Variants in MYO1D observed in about 807,000 individuals in gnomAD.
MYO1D encodes myosin ID, also known as unconventional myosin-Id.
Under a neutral mutation model 122.0 loss-of-function variants are expected in MYO1D, and 83 were observed. The observed-to-expected ratio is 0.68, with a 90% CI of 0.57 to 0.82. MYO1D has a LOEUF of 0.82. Ranked by LOEUF, MYO1D falls within the 40% of genes least tolerant of loss-of-function variation. The pLI is 0.00. For synonymous variants in MYO1D, 464 were observed against 446.9 expected (o/e 1.04, Z -0.48); for missense variants, 1,157 against 1,269.5 (o/e 0.91, Z 1.35).
chr17:32,514,150 G>A (rs1717765142), intron 21 of MYO1D, among the ~76,000 whole-genome samples: 1 of 150,758 alleles, frequency 6.6e-6, no homozygotes, highest in African/African-American at 2.4e-5. Flanking sequence ...GCTGAGGCAG[G>A]GAGCTGCTTA....
intron 21 of MYO1D, among the ~76,000 whole-genome samples, chr17:32,589,734 A>C (rs7213321): frequency 0.035 from 5,393 of 152,266 alleles, 317 homozygotes; most frequent in African/African-American, 0.12. Context: ...CCTGAAGGTA[A>C]AAATCTAGGT....
At chr17:32,687,277 A>G (rs2089029702) in intron 16 of MYO1D, among the ~76,000 whole-genome samples, 1 of 150,988 alleles carries the variant, frequency 6.6e-6, no homozygotes, top group Admixed American at 6.6e-5. Flanking sequence ...GCTCACTGCA[A>G]GCTCCGCCTC....
rs115475508 is a variant in MYO1D, at chr17:32,765,854, C to T, written c.832-773G>A. Among the ~76,000 whole-genome samples, 527 of 152,106 alleles carry T rather than the reference C, an allele frequency of 3.5e-3. 1 individual carries two copies. The highest frequency in any genetic ancestry group is 0.012 in the African/African-American group (508 of 41,500). On this transcript the variant is annotated intron_variant, in intron 7 of 21. Coordinates refer to ENST00000318217, the MANE Select transcript of MYO1D (RefSeq NM_015194.3). ...TTTTTCACATGATTAGTTGCTCTAA[C>T]GGGACTTATTGAACAGTCTAGCTTT...
chr17:32,511,289 T>G (rs955661995), intron 21 of MYO1D, among the ~76,000 whole-genome samples: 5 of 152,166 alleles, frequency 3.3e-5, no homozygotes, highest in African/African-American at 9.6e-5. Context: ...TGTGGCATGA[T>G]CATAGTTCAC....
chr17:32,638,855 T>G lies in MYO1D; in HGVS notation c.2596-20A>C. ...ATTTACCTGTAAGAGAACAAACCAA[T>G]AAACCATAGTATCTCATCAATAAGG... On this transcript the variant is annotated intron_variant, in intron 19 of 21. Transcript: ENST00000318217. 6.8e-7 allele frequency: 1 copy of G among 1,479,476 alleles called. No homozygotes were observed. The highest frequency in any genetic ancestry group is 1.4e-5 in the African/African-American group (1 of 72,352). The allele number at this position is 1,479,476 out of a possible 1,614,324, so 91.6% of individuals were successfully genotyped here.
intron 20 of MYO1D, among the ~76,000 whole-genome samples, chr17:32,637,855 G>T (rs1290966374): frequency 6.6e-6 from 1 of 152,134 alleles, no homozygotes; most frequent in Non-Finnish European, 1.5e-5. Context: ...GCCAGGAATA[G>T]TTTGTCTTCC....
At chr17:32,725,076 C>G (rs144594510) in intron 14 of MYO1D, among the ~76,000 whole-genome samples, 80 of 152,200 alleles carry the variant, frequency 5.3e-4, no homozygotes, top group Middle Eastern at 3.4e-3. Flanking sequence ...ACTATGCTTA[C>G]CATGTTCAAG....
intron 1 of MYO1D, among the ~76,000 whole-genome samples, chr17:32,802,477 C>T (rs1436902582): frequency 6.6e-6 from 1 of 152,058 alleles, no homozygotes; most frequent in Non-Finnish European, 1.5e-5. Flanking sequence ...CTTAAATTTT[C>T]CCTTTCTCAA....
At chr17:32,651,077 A>G (rs981434534) in intron 19 of MYO1D, among the ~76,000 whole-genome samples, 5 of 152,128 alleles carry the variant, frequency 3.3e-5, no homozygotes, top group Non-Finnish European at 7.4e-5. Flanking sequence ...TTGTGCTTTC[A>G]AGATTTATTA....
chr17:32,724,047 G>C (rs538107112), intron 14 of MYO1D, among the ~76,000 whole-genome samples: 12 of 152,210 alleles, frequency 7.9e-5, no homozygotes. Flanking sequence ...TATATTGGGG[G>C]AACAACTGTA....
chr17:32,856,653 T>C (rs1486752230), intron 1 of MYO1D, among the ~76,000 whole-genome samples: 1 of 152,208 alleles, frequency 6.6e-6, no homozygotes, highest in Non-Finnish European at 1.5e-5. Context: ...TCTTCTCAAC[T>C]TCTGTGATAT....
intron 10 of MYO1D, among the ~76,000 whole-genome samples, chr17:32,757,243 C>CT (rs2089957663): frequency 6.6e-6 from 1 of 151,972 alleles, no homozygotes; most frequent in Non-Finnish European, 1.5e-5. Context: ...GTAGTTTTTA[C>CT]TTTGTTTTTT....
At chr17:32,681,011 T>G (rs1313826363) in intron 16 of MYO1D, among the ~76,000 whole-genome samples, 1 of 152,230 alleles carries the variant, frequency 6.6e-6, no homozygotes, top group East Asian at 1.9e-4. Context: ...TTTATCCATT[T>G]CTTCTAGATT....
intron 21 of MYO1D, among the ~76,000 whole-genome samples, chr17:32,538,469 A>ATTATT (rs1491152605): frequency 6.2e-5 from 7 of 113,518 alleles, no homozygotes; most frequent in African/African-American, 2.0e-4. Flanking sequence ...TATTATTATT[A>ATTATT]TTTTTTTTTT....
At position 32,653,009 on chromosome 17, in the gene MYO1D, G is replaced by T. The variant is rs546257731; in HGVS notation, c.2595+834C>A. On this transcript the variant is annotated intron_variant, in intron 19 of 21. Coordinates refer to ENST00000318217, the MANE Select transcript of MYO1D (RefSeq NM_015194.3). Reference sequence around the variant, plus strand: ...TACAAAAAATTAGCCGGGCATGGTGGTGGGCGCCTGTAGTCCCAGCTACTC... The same window carrying T: ...TACAAAAAATTAGCCGGGCATGGTGTTGGGCGCCTGTAGTCCCAGCTACTC... Among the ~76,000 whole-genome samples the T allele has an allele frequency of 5.9e-5, 9 of 152,222 alleles. No individual in the cohort carries two copies. In the East Asian group the frequency reaches 1.6e-3, roughly 26 times the overall value.
At chr17:32,574,374 T>C (rs1223692180) in intron 21 of MYO1D, among the ~76,000 whole-genome samples, 1 of 152,090 alleles carries the variant, frequency 6.6e-6, no homozygotes, top group African/African-American at 2.4e-5. Context: ...TAATTTAAAT[T>C]AAGTGGGTTA....
intron 12 of MYO1D, 54 bp downstream of exon 12, chr17:32,748,882 T>C: frequency 6.7e-7 from 1 of 1,488,656 alleles, no homozygotes; most frequent in East Asian, 2.3e-5. Context: ...TGGTTGTATT[T>C]TCTAAAGTGA....
At chr17:32,808,943 T>C (rs2090544776) in intron 1 of MYO1D, among the ~76,000 whole-genome samples, 1 of 152,170 alleles carries the variant, frequency 6.6e-6, no homozygotes, top group Non-Finnish European at 1.5e-5. Context: ...TATGCAAATT[T>C]TATGCCTTTA....
Position 32,669,689 on chromosome 17 carries a change from G to A in MYO1D, c.2122-10351C>T, listed in dbSNP as rs59505237. ...CAAAGAACCAGGTTCTATCCTTTTG[G>A]GAAGCAATGAAATCAAACAAAATAA... On this transcript the variant is annotated intron_variant, in intron 16 of 21. Transcript: ENST00000318217. Among the ~76,000 whole-genome samples the A allele has an allele frequency of 7.8e-3, 1,185 of 151,966 alleles. 7 individuals carry two copies. Among genetic ancestry groups the A allele is most frequent in the African/African-American group, 0.026 (1,093 of 41,422 alleles).
Sources: gnomAD v4.1 joint callset for allele counts (sites outside exome capture counted in the v4.1 genomes callset) on GRCh38, gnomAD v4.1.1 for gene constraint, MANE v1.5 for transcripts, NCBI Gene and HGNC (gene_info 2026-07-23, HGNC 2026-07-21) for gene names.